Variants in MALRD1 observed in about 807,000 individuals in gnomAD.
The protein encoded by MALRD1 is MAM and LDL-receptor class A domain-containing protein 1.
MALRD1 carries 247 observed loss-of-function variants against 242.1 expected under a neutral mutation model. The ratio of observed to expected loss-of-function variants is 1.02; its 90% confidence interval spans 0.92 to 1.13. MALRD1 has a LOEUF of 1.13. MALRD1 is among the 50% of genes most tolerant of loss of function. The probability of loss-of-function intolerance (pLI) is 0.00; values close to 1 mark genes in which losing one functional copy is unlikely to be tolerated. For missense variants in MALRD1, 2,989 were observed against 2,533.1 expected (o/e 1.18, Z -3.86); for synonymous variants, 995 against 866.6 (o/e 1.15, Z -2.60).
At chr10:19,525,205 G>A (rs1183424918) in intron 31 of MALRD1, among the ~76,000 whole-genome samples, 3 of 151,588 alleles carry the variant, frequency 2.0e-5, no homozygotes, top group South Asian at 2.1e-4. Flanking sequence ...GTGAGCCACC[G>A]AGCCCAGCTA....
intron 28 of MALRD1, among the ~76,000 whole-genome samples, chr10:19,446,283 C>T (rs573228566): frequency 3.7e-4 from 56 of 152,142 alleles, no homozygotes; most frequent in African/African-American, 7.2e-5. Context: ...CTGTGGGCTG[C>T]ACCCACTGTC....
intron 29 of MALRD1, among the ~76,000 whole-genome samples, chr10:19,466,492 G>T (rs1005326782): frequency 1.3e-5 from 2 of 152,068 alleles, no homozygotes; most frequent in Non-Finnish European, 2.9e-5. Flanking sequence ...CACAGACTAG[G>T]CATCTTAAAC....
rs1209423076 is a variant in MALRD1, at chr10:19,547,800, ATATATATATATATATATATTTTTTT to A, written c.5478+16451_5478+16475del. ...TTCACAGATACATATATATATATAT[ATATATATATATATATATATTTTTTT>A]TTTTTTTTTTTTTTTTTTTTTTTTA... On this transcript the variant is annotated intron_variant, in intron 32 of 39. Transcript: ENST00000454679. Among the ~76,000 whole-genome samples the A allele has an allele frequency of 5.3e-4, 8 of 15,020 alleles. No individual in the cohort carries two copies. The East Asian group carries it at 7.9e-3, about 15-fold the overall frequency. The allele number at this position is 15,020 out of a possible 152,430, so 9.9% of individuals were successfully genotyped here.
At chr10:19,128,691 T>C (rs1394305469) in intron 8 of MALRD1, among the ~76,000 whole-genome samples, 1 of 152,178 alleles carries the variant, frequency 6.6e-6, no homozygotes, top group Non-Finnish European at 1.5e-5. Context: ...GAGCTCTGTA[T>C]TGAAGCTCTG....
chr10:19,297,013 A>T (rs1488518551), intron 21 of MALRD1, among the ~76,000 whole-genome samples: 5 of 151,388 alleles, frequency 3.3e-5, no homozygotes, highest in Non-Finnish European at 5.9e-5. Flanking sequence ...AATTTCTATA[A>T]TGCCTTTTGT....
At chr10:19,410,813 G>A (rs941156956) in intron 28 of MALRD1, among the ~76,000 whole-genome samples, 2 of 151,946 alleles carry the variant, frequency 1.3e-5, no homozygotes, top group African/African-American at 2.4e-5. Flanking sequence ...TTATTGGATA[G>A]TGCAGAATAT....
chr10:19,220,152 G>A (rs978115080), intron 18 of MALRD1, among the ~76,000 whole-genome samples: 5 of 151,944 alleles, frequency 3.3e-5, no homozygotes. Flanking sequence ...TCTTTTTCTA[G>A]CAGGCCTTTT....
intron 28 of MALRD1, among the ~76,000 whole-genome samples, chr10:19,415,837 C>T (rs753108664): frequency 1.3e-5 from 2 of 152,154 alleles, no homozygotes; most frequent in Non-Finnish European, 2.9e-5. Context: ...AATCTCTAGA[C>T]AGTAAATCTT....
intron 33 of MALRD1, among the ~76,000 whole-genome samples, chr10:19,586,277 G>A (rs1490753428): frequency 6.6e-6 from 1 of 152,190 alleles, no homozygotes; most frequent in Non-Finnish European, 1.5e-5. Flanking sequence ...GAGGAACTGT[G>A]TTCCTTTGGA....
At chr10:19,261,256 C>T (rs1839733312) in intron 19 of MALRD1, among the ~76,000 whole-genome samples, 1 of 152,044 alleles carries the variant, frequency 6.6e-6, no homozygotes, top group African/African-American at 2.4e-5. Flanking sequence ...TCCCAATTTT[C>T]TGTTTCGAGT....
intron 24 of MALRD1, among the ~76,000 whole-genome samples, chr10:19,343,027 G>T (rs1397189228): frequency 6.6e-6 from 1 of 152,024 alleles, no homozygotes; most frequent in Non-Finnish European, 1.5e-5. Flanking sequence ...TGCACATAGA[G>T]TTTTTCTAAA....
At chr10:19,340,627 A>C (rs186341837) in intron 24 of MALRD1, among the ~76,000 whole-genome samples, 1 of 152,138 alleles carries the variant, frequency 6.6e-6, no homozygotes, top group African/African-American at 2.4e-5. Flanking sequence ...CTCTGCATAG[A>C]CTGGGAGGAT....
chr10:19,440,924 C>T (rs9702633), intron 28 of MALRD1, among the ~76,000 whole-genome samples: 106,056 of 150,984 alleles, frequency 0.7, 37,269 homozygotes, highest in Non-Finnish European at 0.74. Context: ...ACCACACTGA[C>T]TTCCACAATG....
At chr10:19,383,490 G>A (rs896085020) in intron 26 of MALRD1, among the ~76,000 whole-genome samples, 15 of 151,990 alleles carry the variant, frequency 9.9e-5, no homozygotes, top group Admixed American at 9.2e-4. Flanking sequence ...TTGCTATTCT[G>A]GATAGTGCTG....
chr10:19,668,299 G>A (rs2131751101), intron 36 of MALRD1, among the ~76,000 whole-genome samples: 1 of 152,226 alleles, frequency 6.6e-6, no homozygotes, highest in South Asian at 2.1e-4. Context: ...GTGAAAGATG[G>A]AAGTATTTCT....
intron 1 of MALRD1, among the ~76,000 whole-genome samples, chr10:19,054,581 T>C (rs1483082397): frequency 6.6e-6 from 1 of 152,238 alleles, no homozygotes; most frequent in Non-Finnish European, 1.5e-5. Context: ...CCCCAGTGTC[T>C]GGTAATCATC....
chr10:19,644,156 T>C (rs565893375), intron 36 of MALRD1, among the ~76,000 whole-genome samples: 1 of 152,332 alleles, frequency 6.6e-6, no homozygotes, highest in East Asian at 1.9e-4. Context: ...AAACCCAACT[T>C]GACTATGTCC....
intron 31 of MALRD1, among the ~76,000 whole-genome samples, chr10:19,511,418 C>T (rs1442197807): frequency 6.6e-6 from 1 of 152,162 alleles, no homozygotes; most frequent in Admixed American, 6.5e-5. Flanking sequence ...TAGGAAAGCA[C>T]TAAAATTTAT....
intron 38 of MALRD1, among the ~76,000 whole-genome samples, chr10:19,717,272 A>C (rs1269480159): frequency 2.0e-5 from 3 of 152,206 alleles, no homozygotes; most frequent in Non-Finnish European, 4.4e-5. Flanking sequence ...AAGATGCTTT[A>C]TATGCATATT....
Sources: gnomAD v4.1 joint callset for allele counts (sites outside exome capture counted in the v4.1 genomes callset) on GRCh38, gnomAD v4.1.1 for gene constraint, MANE v1.5 for transcripts, NCBI Gene and HGNC (gene_info 2026-07-23, HGNC 2026-07-21) for gene names.